Variants in SHISA9 observed in about 807,000 individuals in gnomAD.
SHISA9 encodes protein shisa-9.
SHISA9 carries 13 observed loss-of-function variants against 38.0 expected under a neutral mutation model. The observed-to-expected ratio is 0.34, with a 90% CI of 0.22 to 0.54. The LOEUF (loss-of-function observed/expected upper bound fraction) is 0.54. SHISA9 is among the 20% of genes least tolerant of loss of function. The pLI, the probability that SHISA9 is intolerant of heterozygous loss-of-function variation, is 0.91. For synonymous variants in SHISA9, 275 were observed against 242.0 expected (o/e 1.14, Z -1.27); for missense variants, 538 against 575.8 (o/e 0.93, Z 0.67).
Position 13,079,288 on chromosome 16 carries a change from G to A in SHISA9, c.692-124106G>A, listed in dbSNP as rs566983065. ...ACCAAGCTTCCATTTTCTTATCTGG[G>A]AAAACATGGATGATGACAGAATCTA... On this transcript the variant is annotated intron_variant, in intron 2 of 4. Transcript: ENST00000558583. Among the ~76,000 whole-genome samples, 690 of 152,274 alleles carry A rather than the reference G, an allele frequency of 4.5e-3. 8 individuals carry two copies. Among genetic ancestry groups the A allele is most frequent in the African/African-American group, 0.016 (660 of 41,538 alleles).
chr16:13,250,477 T>C, the SHISA9 span, among the ~76,000 whole-genome samples: 995 of 152,298 alleles, frequency 6.5e-3, 5 homozygotes, highest in Middle Eastern at 0.041. Flanking sequence ...TAATTCTAGC[T>C]CTGAAACTAG....
intron 2 of SHISA9, among the ~76,000 whole-genome samples, chr16:12,985,241 GTAAATAAATAAATAAA>G (rs3075032): frequency 6.7e-6 from 1 of 148,968 alleles, no homozygotes; most frequent in East Asian, 2.0e-4. Context: ...AAATAAATAA[GTAAATAAATAAATAAA>G]TAAATAAATA....
chr16:13,434,417 A>ATGTTTTTTTTTT, the SHISA9 span, among the ~76,000 whole-genome samples: 1 of 41,796 alleles, frequency 2.4e-5, no homozygotes, highest in African/African-American at 7.8e-5. Context: ...TAGACAAGCT[A>ATGTTTTTTTTTT]TGTTTTTTTT....
At chr16:13,091,104 T>C (rs546841261) in intron 2 of SHISA9, among the ~76,000 whole-genome samples, 2 of 152,346 alleles carry the variant, frequency 1.3e-5, no homozygotes, top group East Asian at 1.9e-4. Context: ...AATTCTTTTC[T>C]TTAAGAATGT....
chr16:13,544,770 C>A, the SHISA9 span, among the ~76,000 whole-genome samples: 4 of 152,074 alleles, frequency 2.6e-5, no homozygotes, highest in Non-Finnish European at 5.9e-5. Flanking sequence ...TGGTGAAACC[C>A]TGTCTTTACT....
At chr16:13,456,254 C>T in the SHISA9 span, among the ~76,000 whole-genome samples, 8 of 152,276 alleles carry the variant, frequency 5.3e-5, no homozygotes, top group South Asian at 2.1e-4. Flanking sequence ...AACTGGAAGC[C>T]GTTAGACTGT....
chr16:12,943,037 A>G, intron 2 of SHISA9, among the ~76,000 whole-genome samples: 1 of 152,052 alleles, frequency 6.6e-6, no homozygotes, highest in East Asian at 1.9e-4. Flanking sequence ...AATTGTCCTT[A>G]CAGCTCCAGG....
intron 2 of SHISA9, among the ~76,000 whole-genome samples, chr16:13,201,360 A>T (rs571396179): frequency 7.3e-6 from 1 of 136,362 alleles, no homozygotes; most frequent in African/African-American, 2.9e-5. Context: ...GATTACTTAT[A>T]ATACTAGTAC....
At chr16:12,960,534 A>T (rs2071895565) in intron 2 of SHISA9, among the ~76,000 whole-genome samples, 1 of 152,236 alleles carries the variant, frequency 6.6e-6, no homozygotes, top group Non-Finnish European at 1.5e-5. Flanking sequence ...CATCAATGAT[A>T]GACTAGATAA....
At chr16:13,172,404 A>C (rs1483580236) in intron 2 of SHISA9, among the ~76,000 whole-genome samples, 1 of 152,242 alleles carries the variant, frequency 6.6e-6, no homozygotes, top group East Asian at 1.9e-4. Context: ...AAGCCAGGTA[A>C]CTGGCTGGTT....
chr16:13,558,560 C>A, the SHISA9 span, among the ~76,000 whole-genome samples: 6 of 152,144 alleles, frequency 3.9e-5, no homozygotes, highest in Non-Finnish European at 5.9e-5. Context: ...TCTTATGTAA[C>A]ATATACTGAT....
chr16:13,284,862 C>T, the SHISA9 span, among the ~76,000 whole-genome samples: 1 of 152,160 alleles, frequency 6.6e-6, no homozygotes, highest in African/African-American at 2.4e-5. Context: ...GCCTCCCAAA[C>T]AGCTGGGATT....
At chr16:13,227,543 A>G (rs2051291444) in intron 4 of SHISA9, among the ~76,000 whole-genome samples, 1 of 152,200 alleles carries the variant, frequency 6.6e-6, no homozygotes, top group African/African-American at 2.4e-5. Flanking sequence ...CAGGGATGAC[A>G]ACCTTGGGCC....
rs1359544481 is a variant in SHISA9 at position 13,089,539 on chromosome 16, T to C, written c.692-113855T>C. ...CCTAGTTTAGTCTTGGGAGAGTGTATGTGTCAAGGAATTTATCCATTTCTT... is the reference window on the plus strand; with the variant it reads ...CCTAGTTTAGTCTTGGGAGAGTGTACGTGTCAAGGAATTTATCCATTTCTT... On this transcript the variant is annotated intron_variant, in intron 2 of 4. Coordinates refer to ENST00000558583, the MANE Select transcript of SHISA9 (RefSeq NM_001145204.3). Among the ~76,000 whole-genome samples, 6 of 152,244 alleles carry C rather than the reference T, an allele frequency of 3.9e-5. No homozygotes were observed. In the East Asian group the frequency reaches 1.2e-3, roughly 29 times the overall value.
chr16:12,990,885 T>C (rs78136702), intron 2 of SHISA9, among the ~76,000 whole-genome samples: 2 of 152,242 alleles, frequency 1.3e-5, no homozygotes, highest in African/African-American at 4.8e-5. Context: ...TATGGTTTTC[T>C]TGGGATTGAT....
intron 2 of SHISA9, among the ~76,000 whole-genome samples, chr16:13,099,289 A>AC (rs1596647497): frequency 1.3e-5 from 2 of 152,048 alleles, no homozygotes; most frequent in East Asian, 1.9e-4. Context: ...AAAAATGAAC[A>AC]ACACACACAC....
At chr16:13,105,951 C>T (rs193093687) in intron 2 of SHISA9, among the ~76,000 whole-genome samples, 1 of 152,160 alleles carries the variant, frequency 6.6e-6, no homozygotes, top group African/African-American at 2.4e-5. Context: ...TGGATCTCAC[C>T]AAGGGTTGAC....
rs180781085 is a variant in SHISA9, at chr16:13,151,845, G to T, written c.692-51549G>T. Among the ~76,000 whole-genome samples, 1,120 of 152,230 alleles carry T rather than the reference G, an allele frequency of 7.4e-3. 9 individuals carry two copies. Among genetic ancestry groups the T allele is most frequent in the Non-Finnish European group, 0.013 (898 of 68,020 alleles). ...GCTGGCCTGTAGTAGGTTTTCTCAG[G>T]AATTTATTCTTAGGTGAATAAATGA... On this transcript the variant is annotated intron_variant, in intron 2 of 4. Transcript: ENST00000558583.
chr16:13,091,606 G>A (rs1445528320), intron 2 of SHISA9, among the ~76,000 whole-genome samples: 2 of 152,102 alleles, frequency 1.3e-5, no homozygotes, highest in East Asian at 3.9e-4. Flanking sequence ...ACTGAAGCTT[G>A]TGCATGTGTC....
Sources: allele counts gnomAD v4.1 joint callset (sites outside exome capture counted in the v4.1 genomes callset), GRCh38; gene constraint gnomAD v4.1.1; transcripts MANE v1.5; gene names NCBI Gene and HGNC (gene_info 2026-07-23, HGNC 2026-07-21).